Variants in TEX9 observed in about 807,000 individuals in gnomAD.
TEX9 encodes the protein testis expressed 9.
TEX9 carries 74 observed loss-of-function variants against 59.6 expected under a neutral mutation model. That is an observed-to-expected ratio of 1.24 (90% confidence interval 1.03 to 1.51). The LOEUF is 1.51. TEX9 is among the 40% of genes most tolerant of loss of function. The pLI is 0.00. For synonymous variants in TEX9, 186 were observed against 152.2 expected, an observed-to-expected ratio of 1.22 and a Z score of -1.64; for missense variants, 522 against 447.8, an observed-to-expected ratio of 1.17 and a Z score of -1.49.
At chr15:56,335,908 T>A (rs1314285518) in intron 1 of TEX9, among the ~76,000 whole-genome samples, 1 of 152,216 alleles carries the variant, frequency 6.6e-6, no homozygotes, top group African/African-American at 2.4e-5. Context: ...AAATATTATA[T>A]GATTGTATCA....
chr15:56,379,071 C>CAAAAAAAAAA (rs199787439), intron 3 of TEX9, among the ~76,000 whole-genome samples: 2 of 50,148 alleles, frequency 4.0e-5, no homozygotes, highest in Non-Finnish European at 6.0e-5. Flanking sequence ...CTCAAAGAAA[C>CAAAAAAAAAA]AAAAAAAAAA....
intron 1 of TEX9, among the ~76,000 whole-genome samples, chr15:56,280,888 T>G (rs1426314975): frequency 2.6e-5 from 4 of 152,226 alleles, no homozygotes; most frequent in Non-Finnish European, 5.9e-5. Context: ...TAAAGTAATT[T>G]CAACCATGTG....
intron 1 of TEX9, among the ~76,000 whole-genome samples, chr15:56,327,499 A>T (rs888587488): frequency 1.3e-5 from 2 of 152,134 alleles, no homozygotes; most frequent in African/African-American, 4.8e-5. Flanking sequence ...CACCAAATGT[A>T]ACAAGTATCT....
At chr15:56,413,734 G>T (rs1321084282) in intron 10 of TEX9, among the ~76,000 whole-genome samples, 1 of 151,672 alleles carries the variant, frequency 6.6e-6, no homozygotes, top group South Asian at 2.1e-4. Context: ...ATTTAATCAT[G>T]ACTTGGATAA....
intron 11 of TEX9, 35 bp downstream of exon 11, chr15:56,427,774 T>C: frequency 7.1e-7 from 1 of 1,402,918 alleles, no homozygotes; most frequent in Non-Finnish European, 9.4e-7. Context: ...CATCATATTA[T>C]TTGTAACTTT....
chr15:56,373,230 A>G (rs1443374893), intron 2 of TEX9, among the ~76,000 whole-genome samples: 2 of 152,212 alleles, frequency 1.3e-5, no homozygotes, highest in Non-Finnish European at 2.9e-5. Context: ...AGAAAGGCTA[A>G]TACTTAGTGT....
At chr15:56,385,559 T>C (rs907021312) in intron 4 of TEX9, among the ~76,000 whole-genome samples, 4 of 152,074 alleles carry the variant, frequency 2.6e-5, no homozygotes, top group African/African-American at 7.2e-5. Context: ...CATTTTTAAA[T>C]TGAGAAAGAG....
At chr15:56,299,454 A>G (rs1318562025) in intron 1 of TEX9, among the ~76,000 whole-genome samples, 1 of 152,204 alleles carries the variant, frequency 6.6e-6, no homozygotes, top group East Asian at 1.9e-4. Flanking sequence ...AAAGCAGTCT[A>G]GGCCACAAGG....
At chr15:56,374,207 T>C (rs1409964899) in intron 3 of TEX9, 1 of 151,840 alleles carries the variant, frequency 6.6e-6, no homozygotes, top group Non-Finnish European at 1.5e-5. Flanking sequence ...GACCCCACGT[T>C]ATAGTAGAAT....
intron 12 of TEX9, among the ~76,000 whole-genome samples, chr15:56,436,136 A>T (rs1392207724): frequency 1.3e-5 from 2 of 152,180 alleles, no homozygotes; most frequent in Non-Finnish European, 2.9e-5. Context: ...TCTCCAGCCC[A>T]AATCAACAGA....
At chr15:56,406,345 T>C (rs1474820986) in intron 9 of TEX9, among the ~76,000 whole-genome samples, 1 of 152,206 alleles carries the variant, frequency 6.6e-6, no homozygotes, top group African/African-American at 2.4e-5. Flanking sequence ...ATTTTGTTTA[T>C]CTGATCACCA....
chr15:56,398,235 T>C (rs551232923), intron 9 of TEX9: 4 of 152,310 alleles, frequency 2.6e-5, no homozygotes, highest in South Asian at 2.1e-4. Flanking sequence ...ATGTAAAATA[T>C]CTCAAAATCT....
At chr15:56,413,233 A>G (rs2049474685) in intron 10 of TEX9, among the ~76,000 whole-genome samples, 1 of 134,888 alleles carries the variant, frequency 7.4e-6, no homozygotes. Flanking sequence ...TAATTTATTT[A>G]ATACTTAAAT....
chr15:56,441,602 TATC>T (rs1436167069), intron 12 of TEX9, among the ~76,000 whole-genome samples: 5 of 152,192 alleles, frequency 3.3e-5, no homozygotes, highest in Admixed American at 2.0e-4. Flanking sequence ...GAAATGAAGT[TATC>T]AACAGAATAA....
At chr15:56,418,331 A>T (rs1348501872) in intron 10 of TEX9, among the ~76,000 whole-genome samples, 3 of 151,778 alleles carry the variant, frequency 2.0e-5, no homozygotes, top group African/African-American at 7.3e-5. Context: ...TTTGCTTTCT[A>T]TGTTTAATGC....
intron 3 of TEX9, among the ~76,000 whole-genome samples, chr15:56,381,802 A>AT (rs2047739197): frequency 6.6e-6 from 1 of 152,206 alleles, no homozygotes; most frequent in African/African-American, 2.4e-5. Flanking sequence ...GCTCCGTCAG[A>AT]CCTGAAGCCA....
chr15:56,396,903 T>G (rs1409105631), intron 9 of TEX9: 3 of 152,328 alleles, frequency 2.0e-5, no homozygotes, highest in African/African-American at 7.2e-5. Context: ...TGCCCAGTCT[T>G]GGGTGTGTCT....
chr15:56,336,483 C>T (rs998889689), intron 1 of TEX9, among the ~76,000 whole-genome samples: 22 of 152,148 alleles, frequency 1.4e-4, no homozygotes, highest in African/African-American at 5.3e-4. Flanking sequence ...GGAAGAGGGC[C>T]CTCACCAGAG....
At chr15:56,346,671 G>A (rs1397017123) in intron 1 of TEX9, among the ~76,000 whole-genome samples, 1 of 151,984 alleles carries the variant, frequency 6.6e-6, no homozygotes, top group African/African-American at 2.4e-5. Flanking sequence ...TTGCAGATAG[G>A]AAAAACCAAC....
Sources: gnomAD v4.1 joint callset for allele counts (sites outside exome capture counted in the v4.1 genomes callset) on GRCh38, gnomAD v4.1.1 for gene constraint, MANE v1.5 for transcripts, NCBI Gene and HGNC (gene_info 2026-07-23, HGNC 2026-07-21) for gene names.